PKD1: variants seen among roughly 807,000 people sequenced by gnomAD.
The protein encoded by PKD1 is polycystin 1, transient receptor potential channel interacting, also known as polycystin-1.
In PKD1, 81 loss-of-function variants were observed where a neutral mutation model predicts 361.7. The ratio of observed to expected loss-of-function variants is 0.22; its 90% CI spans 0.19 to 0.27. The LOEUF (loss-of-function observed/expected upper bound fraction) is 0.27. Ranked by LOEUF, PKD1 falls within the 10% of genes least tolerant of loss-of-function variation. The pLI, the probability that PKD1 is intolerant of heterozygous loss-of-function variation, is 1.00. For missense variants in PKD1, 6,399 were observed against 6,118.3 expected (o/e 1.05, Z -1.53); for synonymous variants, 3,615 against 2,818.3 (o/e 1.28, Z -8.95).
In PKD1 at chr16:2,109,696, G is replaced by A; in HGVS notation, c.5471C>T (p.Pro1824Leu). 2 of 1,595,282 alleles carry A rather than the reference G, an allele frequency of 1.3e-6. No homozygotes were observed. Among genetic ancestry groups the A allele is most frequent in the South Asian group, 2.2e-5 (2 of 89,166 alleles). The part of the protein sequence containing the change: ...GSFVAAGSSV[P>L]FWGQLATGTN... ...GCCCGTGGCCAGCTGCCCCCAAAAG[G>A]GCACAGAGGACCCGGCCGCCACGAA... Residue 1824 changes from proline (P) to leucine (L), a missense_variant, in exon 15 of 46, where the codon CCC (proline) becomes CTC (leucine). By Grantham distance (98) the Pro-to-Leu change is moderately conservative. Coordinates refer to ENST00000262304, the MANE Select transcript of PKD1 (RefSeq NM_001009944.3).
rs770327858 is a variant in PKD1 at position 2,102,525 on chromosome 16, G to A, written c.9057C>T (p.Ser3019=). Residue 3019 remains serine (S), a synonymous_variant, in exon 25 of 46, where the codon AGC becomes AGT. Coordinates refer to ENST00000262304, the MANE Select transcript of PKD1 (RefSeq NM_001009944.3). ...GLYTSLCQYF[S]EEDMVWRTEG... is the part of the protein sequence containing the mutation. ...CTGTCCGCCACACCATGTCCTCCTC[G>A]CTGAAGTACTGGCACAGGGACGTGT... The A allele has an allele frequency of 2.6e-5, 42 of 1,607,092 alleles. No individual in the cohort carries two copies. The highest frequency in any genetic ancestry group is 4.0e-5 in the African/African-American group (3 of 74,702).
Position 2,090,308 on chromosome 16 carries a change from T to C in PKD1, c.12421A>G (p.Met4141Val), listed in dbSNP as rs781284894. 5 of 1,611,056 alleles carry C rather than the reference T, an allele frequency of 3.1e-6. No individual in the cohort carries two copies. In the South Asian group the frequency reaches 3.3e-5, roughly 11 times the overall value. Residue 4141 changes from methionine (M) to valine (V), a missense_variant, in exon 45 of 46, where the codon ATG (methionine) becomes GTG (valine). Transcript: ENST00000262304. ...ELFLRRLRLW[M>V]GLSKVKEFRH... ...ACCTCCTTGACCTTGCTGAGGCCCA[T>C]CCAGAGGCGCAGCCTGCGCAGGAAC...
chr16:2,103,463 C>T lies in PKD1; in HGVS notation c.8594G>A (p.Arg2865Gln), dbSNP rs200642936. 265 of 1,600,150 alleles carry T rather than the reference C, an allele frequency of 1.7e-4. No individual in the cohort carries two copies. The highest frequency in any genetic ancestry group is 5.7e-4 in the African/African-American group (43 of 74,976). ...TQAGAQIPIE[R>Q]LASERAITVK... ...GGTGATGGCGCGCTCTGAGGCCAGCCGCTCGATGGGGATCTGGGCGCCGGC... is the reference window on the plus strand; with the variant it reads ...GGTGATGGCGCGCTCTGAGGCCAGCTGCTCGATGGGGATCTGGGCGCCGGC... The change falls in exon 23 of 46, where the codon CGG becomes CAG. Residue 2865 changes from arginine (R) to glutamine (Q), a missense_variant. Physicochemically the swap from Arg to Gln is conservative, Grantham distance 43. Coordinates refer to ENST00000262304, the MANE Select transcript of PKD1 (RefSeq NM_001009944.3).
At chr16:2,132,142 G>A (rs968263541) in intron 1 of PKD1, among the ~76,000 whole-genome samples, 7 of 150,562 alleles carry the variant, frequency 4.6e-5, no homozygotes, top group African/African-American at 1.7e-4. Context: ...CCCAGCTACT[G>A]GAGAGGCTGA....
At chr16:2,098,260 G>A (rs1247657300) in intron 30 of PKD1, 4 of 517,014 alleles carry the variant, frequency 7.7e-6, no homozygotes, top group African/African-American at 7.7e-5. Context: ...CCAGGCTGGA[G>A]TGCAATGGCG....
At position 2,119,095 on chromosome 16, in the gene PKD1, C is replaced by T; in HGVS notation, c.359+19G>A. The T allele has an allele frequency of 8.6e-7, 1 of 1,163,160 alleles. No homozygotes were observed. The highest frequency in any genetic ancestry group is 1.3e-6 in the Non-Finnish European group (1 of 797,186). 72.1% of individuals were successfully genotyped at this position (1,163,160 alleles called of 1,614,324 possible). The stretch of plus-strand genomic sequence containing the variant: ...GCCTGGGGTCCAGCCAGGACCCCAC[C>T]CAAAGAACCACAACTTACATTTCAC... On this transcript the variant is annotated intron_variant, in intron 3 of 45. Transcript: ENST00000262304.
Position 2,114,318 on chromosome 16 carries a change from A to G in PKD1, c.2705T>C (p.Leu902Pro), listed in dbSNP as rs1387779236. ...TLFSVVALPW[L>P]SEGEHVVDVV... ...GTCCACCACGTGCTCCCCCTCACTG[A>G]GCCACGGCAGTGCTACCACTGAGAA... Residue 902 changes from leucine (L) to proline (P), a missense_variant, in exon 11 of 46, where the codon CTC (leucine) becomes CCC (proline). By Grantham distance (98) the Leu-to-Pro change is moderately conservative. Coordinates refer to ENST00000262304, the MANE Select transcript of PKD1 (RefSeq NM_001009944.3). 1 of 1,610,356 alleles carries G rather than the reference A, an allele frequency of 6.2e-7. No homozygotes were observed. Among genetic ancestry groups the G allele is most frequent in the Non-Finnish European group, 8.5e-7 (1 of 1,179,678 alleles).
intron 34 of PKD1, chr16:2,096,861 T>G: frequency 1.9e-6 from 1 of 527,506 alleles, no homozygotes; most frequent in Non-Finnish European, 3.4e-6. Context: ...CTCACTGCTC[T>G]GAGACCAAGA....
At chr16:2,129,198 C>T (rs1396313715) in intron 1 of PKD1, among the ~76,000 whole-genome samples, 2 of 146,304 alleles carry the variant, frequency 1.4e-5, no homozygotes, top group East Asian at 4.1e-4. Context: ...GTTTCCTAGT[C>T]GCCCAGGCTG....
intron 1 of PKD1, among the ~76,000 whole-genome samples, chr16:2,131,014 C>A (rs1567229688): frequency 1.3e-5 from 2 of 152,216 alleles, no homozygotes; most frequent in African/African-American, 4.8e-5. Context: ...TAGGCCAGTG[C>A]CAGCCAGGAC....
intron 1 of PKD1, among the ~76,000 whole-genome samples, chr16:2,126,066 G>A: frequency 6.6e-6 from 1 of 152,274 alleles, no homozygotes; most frequent in Non-Finnish European, 1.5e-5. Flanking sequence ...CAGTGCCCTG[G>A]AGAGGGCAGC....
chr16:2,106,691 G>A lies in PKD1; in HGVS notation c.7210-14C>T, dbSNP rs758216756. 1.9e-6 allele frequency: 3 copies of A among 1,589,128 alleles called. No individual in the cohort carries two copies. The highest frequency in any genetic ancestry group is 1.1e-5 in the South Asian group (1 of 90,374). On this transcript the variant is annotated splice_polypyrimidine_tract_variant and intron_variant, in intron 17 of 45. Transcript: ENST00000262304. The surrounding 1 kb of genome is among the most constrained non-coding windows in gnomAD (Gnocchi z 6.5). ...TGCAGCCCACCGCTGCAGGCAGAAG[G>A]GGTGGTGAGGGGGCGCAACCCTCTG... is the stretch of plus-strand genomic sequence containing the variant.
At chr16:2,107,648 G>C in intron 16 of PKD1, 10 of 609,182 alleles carry the variant, frequency 1.6e-5, no homozygotes, top group Non-Finnish European at 2.7e-5. Context: ...GTATTGCTAG[G>C]GGACTGTGTA....
rs2091403163 is a variant in PKD1 at position 2,090,033 on chromosome 16, G to A, written c.12606C>T (p.Gly4202=). Reference sequence around the variant, plus strand: ...CAGGCTCACACCTTGTCCCCAGCCGGCCCAGGCTCACGCTCAGCCCATCCA... The same window carrying A: ...CAGGCTCACACCTTGTCCCCAGCCGACCCAGGCTCACGCTCAGCCCATCCA... ...SQLDGLSVSL[G]RLGTRCEPEP... is the part of the protein sequence containing the mutation. The change falls in exon 46 of 46, where the codon GGC becomes GGT. Residue 4202 remains glycine, a synonymous_variant. Transcript: ENST00000262304. 5 of 1,611,042 alleles carry A rather than the reference G, an allele frequency of 3.1e-6. No individual in the cohort carries two copies. Among genetic ancestry groups the A allele is most frequent in the Admixed American group, 1.7e-5 (1 of 59,706 alleles).
chr16:2,108,997 A>G lies in PKD1; in HGVS notation c.6170T>C (p.Val2057Ala), dbSNP rs2092432712. 1 of 1,610,246 alleles carries G rather than the reference A, an allele frequency of 6.2e-7. No individual in the cohort carries two copies. Among genetic ancestry groups the G allele is most frequent in the Non-Finnish European group, 8.5e-7 (1 of 1,179,212 alleles). The stretch of plus-strand genomic sequence containing the variant: ...GGCCACATACTGGACGGCGTCCTGA[A>G]CCTCCAGCACCAGCGTGCGGTTCTC... Reference protein sequence around the residue: ...GSENRTLVLEVQDAVQYVALQ... With the variant: ...GSENRTLVLEAQDAVQYVALQ... Residue 2057 changes from valine to alanine, a missense_variant, in exon 15 of 46, where the codon GTT (valine) becomes GCT (alanine). Physicochemically the swap from Val to Ala is moderately conservative, Grantham distance 64 (BLOSUM62 0). Transcript: ENST00000262304.
rs756700082 is a variant in PKD1, at chr16:2,103,395, G to A, written c.8662C>T (p.Arg2888Cys). 3.8e-5 allele frequency: 61 copies of A among 1,599,760 alleles called. No homozygotes were observed. Among genetic ancestry groups the A allele is most frequent in the East Asian group, 1.6e-4 (7 of 44,882 alleles). Residue 2888 changes from arginine to cysteine, a missense_variant, in exon 23 of 46, where the codon CGC becomes TGC. Coordinates refer to ENST00000262304, the MANE Select transcript of PKD1 (RefSeq NM_001009944.3). ...NNSDWAARGHRSSANSANSVV... is the reference protein window; with the variant it reads ...NNSDWAARGHCSSANSANSVV... ...GAGTTGGCGGAGTTGGCGGAGCTGC[G>A]GTGGCCCCGGGCAGCCCAGTCCGAG...
At chr16:2,094,614 G>A in intron 34 of PKD1, 1 of 279,052 alleles carries the variant, frequency 3.6e-6, no homozygotes, top group South Asian at 4.0e-5. Flanking sequence ...GTCCCATGCA[G>A]GTTTATGGCC....
intron 34 of PKD1, chr16:2,094,591 C>T (rs551577029): frequency 8.9e-5 from 30 of 338,222 alleles, no homozygotes; most frequent in African/African-American, 4.0e-4. Context: ...AATCTAGAGA[C>T]GCCAGTGTGT....
intron 34 of PKD1, among the ~76,000 whole-genome samples, chr16:2,096,652 A>T (rs184532206): frequency 3.2e-4 from 48 of 152,238 alleles, no homozygotes; most frequent in Admixed American, 1.8e-3. Context: ...AGTAACTGGG[A>T]CTACAGGCGC....
Sources: allele counts gnomAD v4.1 joint callset (sites outside exome capture counted in the v4.1 genomes callset), GRCh38; gene constraint gnomAD v4.1.1; non-coding constraint Gnocchi (gnomAD v3.1); transcripts MANE v1.5; gene names NCBI Gene and HGNC (gene_info 2026-07-23, HGNC 2026-07-21).